The following PIAS1 variants were observed in gnomAD, a reference collection of about 807,000 sequenced individuals.
PIAS1 encodes E3 SUMO-protein ligase PIAS1.
PIAS1 carries 6 observed loss-of-function variants against 71.3 expected under a neutral mutation model. That is an observed-to-expected ratio of 0.08 (90% CI 0.05 to 0.17). The LOEUF (loss-of-function observed/expected upper bound fraction) is 0.17, where lower values mean the gene tolerates loss of function less well. Among genes scored for constraint, PIAS1 ranks in the 10% least tolerant of loss-of-function variants. The pLI is 1.00. For missense variants in PIAS1, 555 were observed against 793.6 expected (o/e 0.70, Z 3.61); for synonymous variants, 303 against 292.9 (o/e 1.03, Z -0.35).
intron 2 of PIAS1, among the ~76,000 whole-genome samples, chr15:68,130,418 A>T (rs2092681907): frequency 6.6e-6 from 1 of 151,998 alleles, no homozygotes; most frequent in African/African-American, 2.4e-5. Flanking sequence ...TATATTAAAC[A>T]TTCCAAATGT....
At position 68,175,696 on chromosome 15, in the gene PIAS1, A is replaced by G. The variant is rs372084682; in HGVS notation, c.1229A>G (p.Asp410Gly). 6 of 1,603,210 alleles carry G rather than the reference A, an allele frequency of 3.7e-6. No individual in the cohort carries two copies. Among genetic ancestry groups the G allele is most frequent in the Non-Finnish European group, 5.1e-6 (6 of 1,172,966 alleles). Residue 410 changes from aspartate to glycine, a missense_variant, in exon 10 of 14, where the codon GAT becomes GGT. By Grantham distance (94) the Asp-to-Gly change is moderately conservative. Transcript: ENST00000249636. ...TGTGATGAAATACAATTTAAGGAGG[A>G]TGGCACTTGGGCACCGATGAGATCA... ...TDCDEIQFKEDGTWAPMRSKK... is the reference protein window; with the variant it reads ...TDCDEIQFKEGGTWAPMRSKK...
chr15:68,108,447 C>T (rs2092491636), intron 2 of PIAS1, among the ~76,000 whole-genome samples: 1 of 152,072 alleles, frequency 6.6e-6, no homozygotes, highest in Non-Finnish European at 1.5e-5. Context: ...GTCATTTCTT[C>T]TTAGATGTCT....
At position 68,144,593 on chromosome 15, in the gene PIAS1, T is replaced by C. The variant is rs375785627; in HGVS notation, c.603-1223T>C. On this transcript the variant is annotated intron_variant, in intron 4 of 13. Transcript: ENST00000249636. ...ATTGATCACTGCATTGGAATAATTA[T>C]TTAAAAACTGTGACATCCTTTTAAC... Among the ~76,000 whole-genome samples, 39 of 152,272 alleles carry C rather than the reference T, an allele frequency of 2.6e-4. 1 individual carries two copies. The South Asian group carries it at 7.9e-3, about 31-fold the overall frequency.
intron 4 of PIAS1, among the ~76,000 whole-genome samples, chr15:68,144,910 T>C (rs1044617826): frequency 4.6e-5 from 7 of 152,132 alleles, no homozygotes; most frequent in African/African-American, 9.7e-5. Flanking sequence ...TAAGACCCCA[T>C]ACCGCAGGTG....
At position 68,054,712 on chromosome 15, in the gene PIAS1, G is replaced by C. The variant is rs2091876270; in HGVS notation, c.24+362G>C. The C allele has an allele frequency of 5.1e-6, 1 of 197,140 alleles. No homozygotes were observed. Among genetic ancestry groups the C allele is most frequent in the Non-Finnish European group, 1.0e-5 (1 of 97,614 alleles). 12.2% of individuals were successfully genotyped at this position (197,140 alleles called of 1,614,324 possible). A position where few individuals can be genotyped will look rare whatever the true frequency, so the allele number is the denominator to read the frequency against. On this transcript the variant is annotated intron_variant, in intron 1 of 13. Coordinates refer to ENST00000249636, the MANE Select transcript of PIAS1 (RefSeq NM_016166.3). The surrounding 1 kb of genome is among the most constrained non-coding windows in gnomAD (Gnocchi z 4.6). Reference sequence around the variant, plus strand: ...GCCCCCCATGGGGAGCTGGGGCTGGGGGCAGGGTGCTCTCGTAGGGGGGAT... The same window carrying C: ...GCCCCCCATGGGGAGCTGGGGCTGGCGGCAGGGTGCTCTCGTAGGGGGGAT...
intron 2 of PIAS1, among the ~76,000 whole-genome samples, chr15:68,129,381 A>G (rs762748233): frequency 1.4e-4 from 21 of 152,264 alleles, no homozygotes; most frequent in African/African-American, 2.6e-4. Context: ...TTACTTTTCA[A>G]GTGTCTGCAA....
intron 2 of PIAS1, among the ~76,000 whole-genome samples, chr15:68,128,861 G>T (rs2092670275): frequency 6.6e-6 from 1 of 151,976 alleles, no homozygotes; most frequent in Non-Finnish European, 1.5e-5. Context: ...AGCAGTCACA[G>T]AATGTACAAT....
chr15:68,151,294 C>T (rs567067767), intron 6 of PIAS1, among the ~76,000 whole-genome samples: 21 of 151,842 alleles, frequency 1.4e-4, no homozygotes, highest in African/African-American at 4.6e-4. Context: ...TTTTATTTTT[C>T]TATTTGCTTA....
chr15:68,063,848 A>G (rs913873938), intron 1 of PIAS1, among the ~76,000 whole-genome samples: 1 of 152,028 alleles, frequency 6.6e-6, no homozygotes. Flanking sequence ...CTTGGCACAA[A>G]TTAAGGCATT....
chr15:68,085,964 T>C (rs1228684712), intron 1 of PIAS1, among the ~76,000 whole-genome samples: 1 of 152,196 alleles, frequency 6.6e-6, no homozygotes, highest in Non-Finnish European at 1.5e-5. Flanking sequence ...TACATAGCAC[T>C]CGACATTCTC....
At chr15:68,162,220 G>A (rs2092929157) in intron 7 of PIAS1, among the ~76,000 whole-genome samples, 1 of 152,064 alleles carries the variant, frequency 6.6e-6, no homozygotes, top group Admixed American at 6.5e-5. Context: ...ACTACTTTAT[G>A]TTGCCTCTCT....
Position 68,192,472 on chromosome 15 carries a change from G to GTCACAACT in PIAS1, c.*4642_*4649dup, listed in dbSNP as rs2141118468. 1 of 152,212 alleles carries GTCACAACT rather than the reference G, an allele frequency of 6.6e-6. No individual in the cohort carries two copies. 9.4% of individuals were successfully genotyped at this position (152,212 alleles called of 1,614,324 possible). The stretch of plus-strand genomic sequence containing the variant: ...TGGACCTGGGCTTCCCAGCCAGATG[G>GTCACAACT]TCACAACTTCACCTAGTTGGCATTT... On this transcript the variant is annotated 3_prime_UTR_variant, in exon 14 of 14. Coordinates refer to ENST00000249636, the MANE Select transcript of PIAS1 (RefSeq NM_016166.3).
intron 1 of PIAS1, among the ~76,000 whole-genome samples, chr15:68,063,808 A>G (rs979034018): frequency 2.0e-5 from 3 of 152,146 alleles, no homozygotes; most frequent in Non-Finnish European, 4.4e-5. Context: ...TGACATTTGC[A>G]AAATCAGTGG....
intron 2 of PIAS1, among the ~76,000 whole-genome samples, chr15:68,107,055 A>G (rs1024462808): frequency 6.6e-6 from 1 of 152,188 alleles, no homozygotes; most frequent in Non-Finnish European, 1.5e-5. Flanking sequence ...TGACCTAGAG[A>G]ACCATATTCT....
chr15:68,089,753 A>G (rs986842390), intron 2 of PIAS1, among the ~76,000 whole-genome samples: 1 of 151,964 alleles, frequency 6.6e-6, no homozygotes, highest in African/African-American at 2.4e-5. Context: ...ATAGGGTTTC[A>G]CCATGTTGGC....
In PIAS1 at chr15:68,175,736, G is replaced by A. The variant is rs180788008; in HGVS notation, c.1269G>A (p.Gln423=). 192 of 1,607,088 alleles carry A rather than the reference G, an allele frequency of 1.2e-4. 1 individual carries two copies. The African/African-American group carries it at 2.2e-3, about 19-fold the overall frequency. Reference sequence around the variant, plus strand: ...CGATGAGATCAAAAAAGGAAGTACAGGAAGTTTCTGCCTCTTACAATGGAG... The same window carrying A: ...CGATGAGATCAAAAAAGGAAGTACAAGAAGTTTCTGCCTCTTACAATGGAG... ...WAPMRSKKEV[Q]EVSASYNGVD... is the part of the protein sequence containing the mutation. Residue 423 remains glutamine (Q), a synonymous_variant, in exon 10 of 14, where the codon CAG becomes CAA. Coordinates refer to ENST00000249636, the MANE Select transcript of PIAS1 (RefSeq NM_016166.3).
chr15:68,127,408 C>G (rs1379380228), intron 2 of PIAS1, among the ~76,000 whole-genome samples: 1 of 152,124 alleles, frequency 6.6e-6, no homozygotes, highest in Non-Finnish European at 1.5e-5. Context: ...AGAAATTCCC[C>G]TTGCTTTAGC....
intron 2 of PIAS1, among the ~76,000 whole-genome samples, chr15:68,132,977 T>G (rs1251071214): frequency 6.6e-6 from 1 of 151,808 alleles, no homozygotes; most frequent in Non-Finnish European, 1.5e-5. Context: ...GGTTTTCTTT[T>G]CTTTTCTTTT....
At chr15:68,143,725 C>CTAA (rs947022467) in intron 4 of PIAS1, among the ~76,000 whole-genome samples, 26 of 152,158 alleles carry the variant, frequency 1.7e-4, no homozygotes, top group African/African-American at 6.3e-4. Flanking sequence ...TGACATTATC[C>CTAA]TTTAAATCAG....
Sources: gnomAD v4.1 joint callset for allele counts (sites outside exome capture counted in the v4.1 genomes callset) on GRCh38, gnomAD v4.1.1 for gene constraint, Gnocchi (gnomAD v3.1) non-coding constraint, MANE v1.5 for transcripts, NCBI Gene and HGNC (gene_info 2026-07-23, HGNC 2026-07-21) for gene names.